Variants in RECK observed in about 807,000 individuals in gnomAD.
RECK encodes reversion inducing cysteine rich protein with kazal motifs, also known as reversion-inducing cysteine-rich protein with Kazal motifs.
Under a neutral mutation model 115.1 loss-of-function variants are expected in RECK, and 69 were observed. The observed-to-expected ratio is 0.60, with a 90% confidence interval of 0.49 to 0.73. The LOEUF is 0.73. RECK is among the 30% of genes least tolerant of loss of function. The pLI is 0.00. For synonymous variants in RECK, 414 were observed against 419.7 expected, an observed-to-expected ratio of 0.99 and a Z score of 0.17; for missense variants, 1,047 against 1,203.7, an observed-to-expected ratio of 0.87 and a Z score of 1.93.
At position 36,036,918 on chromosome 9, in the gene RECK, A is replaced by AGCGGCGGCGGTAGCG. The variant is rs1376778185; in HGVS notation, c.-75_-61dup. ...GGCGCTGGGGGCGGGGCCTCGCGCGAGCGGCGGCGGTAGCGGCGGCAGCGG... is the reference window on the plus strand; with the variant it reads ...GGCGCTGGGGGCGGGGCCTCGCGCGAGCGGCGGCGGTAGCGGCGGCGGCGGTAGCGGCGGCAGCGG... On this transcript the variant is annotated 5_prime_UTR_variant, in exon 1 of 21. Transcript: ENST00000377966. 10 of 914,360 alleles carry AGCGGCGGCGGTAGCG rather than the reference A, an allele frequency of 1.1e-5. No homozygotes were observed. Among genetic ancestry groups the AGCGGCGGCGGTAGCG allele is most frequent in the African/African-American group, 1.1e-4 (6 of 56,408 alleles). The allele number at this position is 914,360 out of a possible 1,614,324, so 56.6% of individuals were successfully genotyped here.
At chr9:36,077,364 A>G (rs75710619) in intron 6 of RECK, among the ~76,000 whole-genome samples, 13,393 of 152,210 alleles carry the variant, frequency 0.088, 725 homozygotes, top group East Asian at 0.3. Context: ...AGTTAATCCT[A>G]TAACTCATTA....
Position 36,063,842 on chromosome 9 carries a change from C to T in RECK, c.319C>T (p.Leu107=). 1 of 1,614,084 alleles carries T rather than the reference C, an allele frequency of 6.2e-7. No individual in the cohort carries two copies. ...CTGGGTTGGCTTAGGCTGCTGTGAA[C>T]TGGCTATTGCCTTGGAGTGTCGACA... ...DGWVGLGCCE[L]AIALECRQAC... Residue 107 remains leucine, a synonymous_variant, in exon 5 of 21, where the codon CTG becomes TTG. Transcript: ENST00000377966.
intron 9 of RECK, among the ~76,000 whole-genome samples, chr9:36,090,270 C>T (rs1823112089): frequency 6.6e-6 from 1 of 152,166 alleles, no homozygotes; most frequent in South Asian, 2.1e-4. Flanking sequence ...GTGTAAGCCT[C>T]ACTGATAGCA....
intron 1 of RECK, among the ~76,000 whole-genome samples, chr9:36,050,846 T>C (rs920362676): frequency 4.6e-5 from 7 of 152,174 alleles, no homozygotes; most frequent in African/African-American, 1.7e-4. Flanking sequence ...CCTTACTTTA[T>C]GGTATCTGCT....
intron 3 of RECK, among the ~76,000 whole-genome samples, chr9:36,059,694 T>TC (rs1821682162): frequency 6.6e-6 from 1 of 152,230 alleles, no homozygotes. Context: ...ACTTGGGCTG[T>TC]CCTCAGTGTT....
intron 10 of RECK, among the ~76,000 whole-genome samples, chr9:36,099,531 A>G (rs969470602): frequency 6.6e-6 from 1 of 152,194 alleles, no homozygotes. Flanking sequence ...ATTTTTTTCA[A>G]CATGGGGTAT....
chr9:36,072,829 T>A (rs1181339707), intron 6 of RECK: 1 of 152,208 alleles, frequency 6.6e-6, no homozygotes, highest in Non-Finnish European at 1.5e-5. Context: ...GAGTAACTCC[T>A]ATTTAGTCTC....
intron 6 of RECK, 25 bp downstream of exon 6, chr9:36,065,649 G>A (rs1472491195): frequency 1.3e-6 from 2 of 1,523,658 alleles, no homozygotes; most frequent in Non-Finnish European, 8.8e-7. Flanking sequence ...TAACAAATGT[G>A]GATAGCCTAT....
intron 2 of RECK, among the ~76,000 whole-genome samples, chr9:36,053,704 A>C (rs1821399561): frequency 6.6e-6 from 1 of 152,166 alleles, no homozygotes; most frequent in African/African-American, 2.4e-5. Flanking sequence ...GATGTTCTAT[A>C]GGGTGAATGA....
Position 36,052,309 on chromosome 9 carries a change from G to A in RECK, c.145G>A (p.Asp49Asn), listed in dbSNP as rs763497859. 13 of 1,608,854 alleles carry A rather than the reference G, an allele frequency of 8.1e-6. No individual in the cohort carries two copies. The African/African-American group carries it at 1.7e-4, about 22-fold the overall frequency. The change falls in exon 2 of 21, where the codon GAT (aspartate) becomes AAT (asparagine). Residue 49 changes from aspartate to asparagine, a missense_variant. Coordinates refer to ENST00000377966, the MANE Select transcript of RECK (RefSeq NM_021111.3). ...TTCAAAGGATAACCAAATGTGCCGT[G>A]ATGTATGTGAACAGGTAAGATTACA... is the stretch of plus-strand genomic sequence containing the variant. Reference protein sequence around the residue: ...NHSKDNQMCRDVCEQIFSSKS... With the variant: ...NHSKDNQMCRNVCEQIFSSKS...
Position 36,102,209 on chromosome 9 carries a change from A to G in RECK, c.1414A>G (p.Ile472Val), listed in dbSNP as rs1823591972. 1 of 1,610,576 alleles carries G rather than the reference A, an allele frequency of 6.2e-7. No homozygotes were observed. The change falls in exon 12 of 21, where the codon ATA (isoleucine) becomes GTA (valine). Residue 472 changes from isoleucine to valine, a missense_variant. By Grantham distance (29) the Ile-to-Val change is conservative. Coordinates refer to ENST00000377966, the MANE Select transcript of RECK (RefSeq NM_021111.3). ...LSPTDDLKNC[I>V]PLDTYLRPST... is the part of the protein sequence containing the mutation. ...ACCTACAGATGATCTGAAGAATTGTATACCTTTGGATACATACCTCAGTAA... is the reference window on the plus strand; with the variant it reads ...ACCTACAGATGATCTGAAGAATTGTGTACCTTTGGATACATACCTCAGTAA...
chr9:36,063,803 A>T lies in RECK; in HGVS notation c.280A>T (p.Lys94Ter), dbSNP rs915961900. The change falls in exon 5 of 21, where the codon AAG (lysine) becomes TAG (stop). Residue 94 changes from lysine to a stop codon, truncating the protein, a stop_gained. Coordinates refer to ENST00000377966, the MANE Select transcript of RECK (RefSeq NM_021111.3). LOFTEE classifies it high-confidence loss of function. ...AACATTTTGTTTTTAAGGTGTGTTT[A>T]AGAAGTCTGATGGCTGGGTTGGCTT... ...CMNSSLPGVFKKSDGWVGLGC... is the reference protein window; with the variant it reads ...CMNSSLPGVF 6.2e-7 allele frequency: 1 copy of T among 1,614,006 alleles called. No homozygotes were observed. Among genetic ancestry groups the T allele is most frequent in the Admixed American group, 1.7e-5 (1 of 60,026 alleles).
intron 1 of RECK, 72 bp downstream of exon 1, chr9:36,037,170 G>T: frequency 9.2e-7 from 1 of 1,089,512 alleles, no homozygotes; most frequent in Non-Finnish European, 1.2e-6. Flanking sequence ...ATGGCGCGGG[G>T]CAGGGGGCGG....
In RECK at chr9:36,094,044, C is replaced by CA. The variant is rs200250238; in HGVS notation, c.1085+2710dup. On this transcript the variant is annotated intron_variant, in intron 10 of 20. Transcript: ENST00000377966. This position sits in a 1 kb window ranked among gnomAD's most constrained non-coding sequence, Gnocchi z 4.1. ...AAAATAAAGGTATTTCTAGATATTA[C>CA]AAAAAAAAACAACCTCAGAATTTTC... Among the ~76,000 whole-genome samples the CA allele has an allele frequency of 8.2e-3, 1,224 of 150,094 alleles. 32 individuals are homozygous for CA. The highest frequency in any genetic ancestry group is 0.062 in the East Asian group (317 of 5,124).
Position 36,043,010 on chromosome 9 carries a change from C to CTTTTTTTTTTTT in RECK, c.100+5931_100+5942dup, listed in dbSNP as rs61673918. ...ACTGTCTATTCATGTCCTTAGCCCA[C>CTTTTTTTTTTTT]TTTTTTTTTTTTTTTTTTTTTTTTT... On this transcript the variant is annotated intron_variant, in intron 1 of 20. Coordinates refer to ENST00000377966, the MANE Select transcript of RECK (RefSeq NM_021111.3). 3.7e-4 allele frequency among the ~76,000 whole-genome samples: 22 copies of CTTTTTTTTTTTT among 59,460 alleles called. 6 individuals are homozygous for CTTTTTTTTTTTT. Among genetic ancestry groups the CTTTTTTTTTTTT allele is most frequent in the African/African-American group, 1.1e-3 (16 of 14,480 alleles). The allele number at this position is 59,460 out of a possible 152,430, so 39.0% of individuals were successfully genotyped here. A position where few individuals can be genotyped will look rare whatever the true frequency, so the allele number is the denominator to read the frequency against.
intron 15 of RECK, among the ~76,000 whole-genome samples, chr9:36,111,958 CA>C (rs534499174): frequency 0.098 from 12,522 of 127,368 alleles, 622 homozygotes; most frequent in East Asian, 0.3. Context: ...TGTCAGAATA[CA>C]AAAAAAAAAA....
chr9:36,049,196 CTCCACTGAGCT>C (rs1174470368), intron 1 of RECK, among the ~76,000 whole-genome samples: 2 of 152,300 alleles, frequency 1.3e-5, no homozygotes, highest in African/African-American at 4.8e-5. Flanking sequence ...ACCAGGAAAG[CTCCACTGAGCT>C]TCTATGTCCA....
intron 4 of RECK, among the ~76,000 whole-genome samples, chr9:36,062,163 T>TTC (rs1251847520): frequency 6.7e-6 from 1 of 148,288 alleles, no homozygotes; most frequent in Non-Finnish European, 1.5e-5. Flanking sequence ...TCTCCTACTT[T>TTC]TTTTTTTTTT....
At position 36,102,047 on chromosome 9, in the gene RECK, T is replaced by A. The variant is rs530604327; in HGVS notation, c.1299-47T>A. 90 of 1,585,984 alleles carry A rather than the reference T, an allele frequency of 5.7e-5. 3 individuals are homozygous for A. The South Asian group carries it at 9.1e-4, about 16-fold the overall frequency. ...AACAAGTGATGTTGACTGGACAACA[T>A]GAGGAGGTTCCTCAAGCTCTAAACT... On this transcript the variant is annotated intron_variant, in intron 11 of 20. Transcript: ENST00000377966.
Sources: allele counts gnomAD v4.1 joint callset (sites outside exome capture counted in the v4.1 genomes callset), GRCh38; gene constraint gnomAD v4.1.1; non-coding constraint Gnocchi (gnomAD v3.1); transcripts MANE v1.5; gene names NCBI Gene and HGNC (gene_info 2026-07-23, HGNC 2026-07-21).